TINAG: variants seen among roughly 807,000 people sequenced by gnomAD.
The protein encoded by TINAG is tubulointerstitial nephritis antigen.
In TINAG, 83 loss-of-function variants were observed where a neutral mutation model predicts 72.7. That is an observed-to-expected ratio of 1.14 (90% CI 0.96 to 1.37). The LOEUF (loss-of-function observed/expected upper bound fraction) is 1.37, where lower values mean the gene tolerates loss of function less well. Ranked by LOEUF, TINAG falls within the 40% of genes most tolerant of loss-of-function variation. The probability of loss-of-function intolerance (pLI) is 0.00; values close to 1 mark genes in which losing one functional copy is unlikely to be tolerated. For synonymous variants in TINAG, 234 were observed against 189.9 expected, an observed-to-expected ratio of 1.23 and a Z score of -1.91; for missense variants, 685 against 576.6, an observed-to-expected ratio of 1.19 and a Z score of -1.93.
rs1047294988 is a variant in TINAG, at chr6:54,385,146, A to C, written c.1296+4575A>C. 4.6e-5 allele frequency among the ~76,000 whole-genome samples: 7 copies of C among 152,094 alleles called. No individual in the cohort carries two copies. The East Asian group carries it at 9.6e-4, about 21-fold the overall frequency. On this transcript the variant is annotated intron_variant, in intron 10 of 10. Coordinates refer to ENST00000259782, the MANE Select transcript of TINAG (RefSeq NM_014464.4). Reference sequence around the variant, plus strand: ...AATTTAAACCGAAGATAAATGAAAGAAATAATAAACAGAAAAGCAAAAAAA... The same window carrying C: ...AATTTAAACCGAAGATAAATGAAAGCAATAATAAACAGAAAAGCAAAAAAA...
intron 10 of TINAG, 28 bp downstream of exon 10, chr6:54,380,599 T>C (rs1355572907): frequency 6.3e-6 from 10 of 1,585,236 alleles, no homozygotes; most frequent in African/African-American, 1.3e-5. Flanking sequence ...GTTGAATTCC[T>C]GCTGTGAAGT....
At chr6:54,348,931 T>C (rs1233920613) in intron 6 of TINAG, among the ~76,000 whole-genome samples, 1 of 152,122 alleles carries the variant, frequency 6.6e-6, no homozygotes, top group Non-Finnish European at 1.5e-5. Context: ...TTGTGGATAC[T>C]TCTATGGCCA....
At chr6:54,347,879 G>A (rs553558168) in intron 6 of TINAG, among the ~76,000 whole-genome samples, 2 of 152,152 alleles carry the variant, frequency 1.3e-5, no homozygotes, top group African/African-American at 4.8e-5. Context: ...TACCCAGATT[G>A]ATGAACAGAT....
chr6:54,378,476 A>C (rs2150981071), intron 9 of TINAG, among the ~76,000 whole-genome samples: 1 of 152,312 alleles, frequency 6.6e-6, no homozygotes, highest in South Asian at 2.1e-4. Context: ...GCAACTCTAA[A>C]GAGCTGAAAG....
At position 54,349,879 on chromosome 6, in the gene TINAG, T is replaced by C. The variant is rs920767270; in HGVS notation, c.1063T>C (p.Tyr355His). 1.9e-6 allele frequency: 3 copies of C among 1,581,548 alleles called. No homozygotes were observed. The highest frequency in any genetic ancestry group is 1.7e-4 in the Middle Eastern group (1 of 5,958). Reference protein sequence around the residue: ...SNRIYQCSPPYRVSSNETEIM... With the variant: ...SNRIYQCSPPHRVSSNETEIM... ...CAGGATCTATCAATGTTCTCCTCCA[T>C]ACAGAGTCTCTTCCAACGTAAGTAT... The change falls in exon 7 of 11, where the codon TAC becomes CAC. Residue 355 changes from tyrosine to histidine, a missense_variant. Physicochemically the swap from Tyr to His is moderately conservative, Grantham distance 83. Coordinates refer to ENST00000259782, the MANE Select transcript of TINAG (RefSeq NM_014464.4).
Position 54,326,851 on chromosome 6 carries a change from G to A in TINAG, c.559G>A (p.Gly187Ser). Residue 187 changes from glycine to serine, a missense_variant, in exon 4 of 11, where the codon GGT becomes AGT. Gly to Ser is a moderately conservative substitution (Grantham distance 56). Transcript: ENST00000259782. ...SQFWGMTLED[G>S]FKFRLGTLPP... ...ATTTTGGGGAATGACTTTAGAAGATGGTTTTAAATTTCGCCTTGGCACTTT... is the reference window on the plus strand; with the variant it reads ...ATTTTGGGGAATGACTTTAGAAGATAGTTTTAAATTTCGCCTTGGCACTTT... The A allele has an allele frequency of 6.2e-7, 1 of 1,613,106 alleles. No homozygotes were observed. The highest frequency in any genetic ancestry group is 8.5e-7 in the Non-Finnish European group (1 of 1,179,780).
intron 9 of TINAG, among the ~76,000 whole-genome samples, chr6:54,357,850 T>C (rs1374404323): frequency 6.6e-6 from 1 of 151,940 alleles, no homozygotes; most frequent in East Asian, 1.9e-4. Flanking sequence ...CTTTTAGAAC[T>C]TTAGATCTTG....
chr6:54,326,822 G>A lies in TINAG; in HGVS notation c.530G>A (p.Ser177Asn). Residue 177 changes from serine (S) to asparagine (N), a missense_variant, in exon 4 of 11, where the codon AGC (serine) becomes AAC (asparagine). Coordinates refer to ENST00000259782, the MANE Select transcript of TINAG (RefSeq NM_014464.4). The part of the protein sequence containing the change: ...GDYGWTAQNY[S>N]QFWGMTLEDG... Reference sequence around the variant, plus strand: ...GGCAGATGGACAGCACAGAATTACAGCCAATTTTGGGGAATGACTTTAGAA... The same window carrying A: ...GGCAGATGGACAGCACAGAATTACAACCAATTTTGGGGAATGACTTTAGAA... The A allele has an allele frequency of 6.2e-7, 1 of 1,610,990 alleles. No homozygotes were observed. The highest frequency in any genetic ancestry group is 1.7e-5 in the Admixed American group (1 of 59,240).
At chr6:54,310,815 CCTCT>C (rs1489442399) in intron 1 of TINAG, among the ~76,000 whole-genome samples, 4 of 138,484 alleles carry the variant, frequency 2.9e-5, no homozygotes, top group African/African-American at 1.1e-4. Context: ...TCTTTCTCTC[CCTCT>C]TTCTTTCTCT....
intron 1 of TINAG, among the ~76,000 whole-genome samples, chr6:54,310,493 TTCTTCTTTCTTTC>T (rs1289028362): frequency 2.0e-4 from 7 of 34,646 alleles, no homozygotes; most frequent in African/African-American, 3.5e-4. Flanking sequence ...TTTCTTTCTT[TTCTTCTTTCTTTC>T]TCTTTCTTTC....
Position 54,384,209 on chromosome 6 carries a change from G to C in TINAG, c.1296+3638G>C, listed in dbSNP as rs189094851. Among the ~76,000 whole-genome samples the C allele has an allele frequency of 8.0e-4, 121 of 152,172 alleles. 1 individual carries two copies. The South Asian group carries it at 8.7e-3, about 11-fold the overall frequency. On this transcript the variant is annotated intron_variant, in intron 10 of 10. Transcript: ENST00000259782. Reference sequence around the variant, plus strand: ...CACACACTGGGGCCTGTTCACGGGTGGGGGGCTAGGAGAGGGATAGCATTA... The same window carrying C: ...CACACACTGGGGCCTGTTCACGGGTCGGGGGCTAGGAGAGGGATAGCATTA...
At chr6:54,345,376 A>G (rs1170753565) in intron 5 of TINAG, among the ~76,000 whole-genome samples, 1 of 152,128 alleles carries the variant, frequency 6.6e-6, no homozygotes. Flanking sequence ...AGGCTGGAAG[A>G]GATTTTAAAG....
At chr6:54,314,037 C>T (rs928340107) in intron 1 of TINAG, among the ~76,000 whole-genome samples, 1 of 152,074 alleles carries the variant, frequency 6.6e-6, no homozygotes, top group Non-Finnish European at 1.5e-5. Flanking sequence ...GGTAAGGAGA[C>T]TTAGGTATGC....
At chr6:54,358,534 C>CAAAAAAAAAAAA (rs34091915) in intron 9 of TINAG, among the ~76,000 whole-genome samples, 1 of 112,946 alleles carries the variant, frequency 8.9e-6, no homozygotes. Context: ...AGTTATTCGT[C>CAAAAAAAAAAAA]AAAAAAAAAA....
chr6:54,338,391 A>G (rs555179674), intron 4 of TINAG, among the ~76,000 whole-genome samples: 14 of 152,234 alleles, frequency 9.2e-5, no homozygotes, highest in African/African-American at 3.4e-4. Flanking sequence ...TGGCCTCTCC[A>G]TGGCTGGGTC....
chr6:54,387,824 A>G (rs1283132799), intron 10 of TINAG, among the ~76,000 whole-genome samples: 1 of 152,186 alleles, frequency 6.6e-6, no homozygotes. Flanking sequence ...GGAAGAAACA[A>G]ACAAAATAAA....
chr6:54,356,835 A>G (rs1343782892), intron 9 of TINAG, among the ~76,000 whole-genome samples: 1 of 151,712 alleles, frequency 6.6e-6, no homozygotes, highest in Non-Finnish European at 1.5e-5. Context: ...ATTCAAGGAC[A>G]TGCAGAAGCA....
intron 9 of TINAG, among the ~76,000 whole-genome samples, chr6:54,359,774 C>T (rs1763165081): frequency 6.6e-6 from 1 of 151,692 alleles, no homozygotes; most frequent in African/African-American, 2.4e-5. Flanking sequence ...GGTAGGTGCC[C>T]TGGAGCAGTT....
At chr6:54,381,198 C>G (rs1440996479) in intron 10 of TINAG, among the ~76,000 whole-genome samples, 1 of 148,516 alleles carries the variant, frequency 6.7e-6, no homozygotes, top group Non-Finnish European at 1.5e-5. Flanking sequence ...CCAAATATAA[C>G]ATATGCATGT....
Sources: gnomAD v4.1 joint callset for allele counts (sites outside exome capture counted in the v4.1 genomes callset) on GRCh38, gnomAD v4.1.1 for gene constraint, MANE v1.5 for transcripts, NCBI Gene and HGNC (gene_info 2026-07-23, HGNC 2026-07-21) for gene names.